Variants in TRIM21 observed in about 807,000 individuals in gnomAD.
TRIM21 encodes the protein E3 ubiquitin-protein ligase TRIM21.
TRIM21 carries 35 observed loss-of-function variants against 36.1 expected under a neutral mutation model. The ratio of observed to expected loss-of-function variants is 0.97; its 90% CI spans 0.74 to 1.28. The LOEUF is 1.28. TRIM21 is among the 50% of genes most tolerant of loss of function. TRIM21 has a pLI of 0.00. For synonymous variants in TRIM21, 256 were observed against 211.5 expected (o/e 1.21, Z -1.83); for missense variants, 635 against 570.7 (o/e 1.11, Z -1.15).
chr11:4,386,861 C>G lies in TRIM21; in HGVS notation c.758+107G>C, dbSNP rs773713686. The G allele has an allele frequency of 4.3e-6, 5 of 1,168,990 alleles. No individual in the cohort carries two copies. The African/African-American group carries it at 7.8e-5, about 18-fold the overall frequency. 72.4% of individuals were successfully genotyped at this position (1,168,990 alleles called of 1,614,324 possible). A position where few individuals can be genotyped will look rare whatever the true frequency, so the allele number is the denominator to read the frequency against. On this transcript the variant is annotated intron_variant, in intron 5 of 6. Transcript: ENST00000254436. Reference sequence around the variant, plus strand: ...GAATGAAGTTTTTGAGAATAGGAAGCCAGATGGGGAAAACTTCAGTGCATG... The same window carrying G: ...GAATGAAGTTTTTGAGAATAGGAAGGCAGATGGGGAAAACTTCAGTGCATG...
At chr11:4,389,933 C>A in intron 2 of TRIM21, 69 bp downstream of exon 2, 2 of 1,573,846 alleles carry the variant, frequency 1.3e-6, no homozygotes, top group African/African-American at 1.3e-5. Context: ...CCCCTCCAAT[C>A]CAGAGGTGGT....
intron 4 of TRIM21, 115 bp downstream of exon 4, chr11:4,388,185 C>A: frequency 1.1e-6 from 1 of 914,228 alleles, no homozygotes; most frequent in Non-Finnish European, 1.6e-6. Flanking sequence ...AATTCTACTT[C>A]ATTTAAGAAC....
At chr11:4,386,413 C>A (rs780018211) in intron 5 of TRIM21, 156 bp from the exon 6 acceptor site, 58 of 707,444 alleles carry the variant, frequency 8.2e-5, no homozygotes, top group Non-Finnish European at 1.4e-4. Flanking sequence ...GAGAGGCAAA[C>A]AATGCAGGAT....
At chr11:4,386,352 C>A (rs1478459295) in intron 5 of TRIM21, 95 bp from the exon 6 acceptor site, 1 of 1,057,498 alleles carries the variant, frequency 9.5e-7, no homozygotes, top group Non-Finnish European at 1.4e-6. Flanking sequence ...TAATTTAATT[C>A]AACTCAAATT....
At position 4,390,099 on chromosome 11, in the gene TRIM21, T is replaced by C; in HGVS notation, c.311A>G (p.Glu104Gly). 6.2e-7 allele frequency: 1 copy of C among 1,614,022 alleles called. No homozygotes were observed. Among genetic ancestry groups the C allele is most frequent in the Non-Finnish European group, 8.5e-7 (1 of 1,179,896 alleles). Residue 104 changes from glutamate (E) to glycine (G), a missense_variant, in exon 2 of 7, where the codon GAG becomes GGG. Glu to Gly is a moderately conservative substitution (Grantham distance 98, BLOSUM62 -2). Transcript: ENST00000254436. ...VHGERLHLFCEKDGKALCWVC... is the reference protein window; with the variant it reads ...VHGERLHLFCGKDGKALCWVC... The stretch of plus-strand genomic sequence containing the variant: ...CCAGCAAAGGGCCTTCCCATCTTTC[T>C]CACAGAACAGGTGAAGTCTCTCTCC...
intron 3 of TRIM21, among the ~76,000 whole-genome samples, chr11:4,389,323 A>G (rs931295748): frequency 5.3e-5 from 8 of 152,104 alleles, no homozygotes; most frequent in African/African-American, 1.7e-4. Context: ...TTCTACTAGG[A>G]TATTTGTCTC....
At chr11:4,391,099 C>G (rs554477993) in intron 1 of TRIM21, among the ~76,000 whole-genome samples, 7 of 152,294 alleles carry the variant, frequency 4.6e-5, no homozygotes, top group Non-Finnish European at 8.8e-5. Context: ...TGAAAAGGTG[C>G]TGCACAGCAA....
chr11:4,389,575 C>A (rs987227011), intron 3 of TRIM21, 79 bp downstream of exon 3: 3 of 1,199,006 alleles, frequency 2.5e-6, no homozygotes, highest in South Asian at 1.2e-5. Context: ...GGCACAGCTA[C>A]GGTTAAGGCT....
intron 1 of TRIM21, among the ~76,000 whole-genome samples, 175 bp downstream of exon 1, chr11:4,393,458 C>G (rs2094965570): frequency 6.6e-6 from 1 of 152,168 alleles, no homozygotes; most frequent in African/African-American, 2.4e-5. Flanking sequence ...TCCTCCCAAG[C>G]AGGGGGCCAG....
chr11:4,385,750 A>C lies in TRIM21; in HGVS notation c.963T>G (p.Asn321Lys). ...TAGGATAACTATCAAATCTCTCTTC[A>C]TTTCCAGGTATGCTCTGCTGGGTGT... ...LGDTQQSIPGNEERFDSYPMV... is the reference protein window; with the variant it reads ...LGDTQQSIPGKEERFDSYPMV... The change falls in exon 7 of 7, where the codon AAT becomes AAG. Residue 321 changes from asparagine to lysine, a missense_variant. Asn to Lys is a moderately conservative substitution (Grantham distance 94, BLOSUM62 0). Transcript: ENST00000254436. 6.2e-7 allele frequency: 1 copy of C among 1,613,402 alleles called. No homozygotes were observed. Among genetic ancestry groups the C allele is most frequent in the Non-Finnish European group, 8.5e-7 (1 of 1,179,732 alleles).
intron 6 of TRIM21, 62 bp from the exon 7 acceptor site, chr11:4,385,915 G>C: frequency 1.4e-6 from 2 of 1,466,158 alleles, no homozygotes; most frequent in South Asian, 1.4e-5. Context: ...CTGTGCCTGT[G>C]GTGGGGGGAT....
chr11:4,393,379 T>A (rs1241266131), intron 1 of TRIM21, among the ~76,000 whole-genome samples: 1 of 151,936 alleles, frequency 6.6e-6, no homozygotes, highest in African/African-American at 2.4e-5. Flanking sequence ...CCCAGCCTCC[T>A]CCCAGGTAGG....
In TRIM21 at chr11:4,390,301, G is replaced by C; in HGVS notation, c.109C>G (p.Gln37Glu). The C allele has an allele frequency of 6.2e-7, 1 of 1,613,922 alleles. No homozygotes were observed. The highest frequency in any genetic ancestry group is 8.5e-7 in the Non-Finnish European group (1 of 1,179,880). The change falls in exon 2 of 7, where the codon CAG becomes GAG. Residue 37 changes from glutamine (Q) to glutamate (E), a missense_variant. Transcript: ENST00000254436. ...TTCCCAACCTGAGAGATGCATTCCT[G>C]GCAGAAGCTGTGGCCACACTCGATG... The part of the protein sequence containing the change: ...VSIECGHSFC[Q>E]ECISQVGKGG...
At chr11:4,389,517 G>C in intron 3 of TRIM21, 137 bp downstream of exon 3, 4 of 731,690 alleles carry the variant, frequency 5.5e-6, no homozygotes, top group Non-Finnish European at 9.8e-6. Context: ...CTAGAGAGCA[G>C]CTGGCTTCTG....
chr11:4,386,191 C>A lies in TRIM21; in HGVS notation c.825G>T (p.Val275=), dbSNP rs778729546. The A allele has an allele frequency of 3.7e-6, 6 of 1,613,594 alleles. No individual in the cohort carries two copies. The East Asian group carries it at 6.7e-5, about 18-fold the overall frequency. The part of the protein sequence containing the change: ...TSPELRSVCH[V]PGLKKMLRTC... ...TCCTCAGCATCTTCTTCAGCCCTGG[C>A]ACATGGCACACACTCCTGAGTTCTG... Residue 275 remains valine, a synonymous_variant, in exon 6 of 7, where the codon GTG becomes GTT. Transcript: ENST00000254436.
chr11:4,393,470 A>G lies in TRIM21; in HGVS notation c.-50+163T>C, dbSNP rs531144007. Among the ~76,000 whole-genome samples, 38 of 152,266 alleles carry G rather than the reference A, an allele frequency of 2.5e-4. No individual in the cohort carries two copies. The South Asian group carries it at 7.3e-3, about 29-fold the overall frequency. ...GCCTCCTCCCAAGCAGGGGGCCAGCACCGGAAGCGCAGCTGGTCTTGGGTT... is the reference window on the plus strand; with the variant it reads ...GCCTCCTCCCAAGCAGGGGGCCAGCGCCGGAAGCGCAGCTGGTCTTGGGTT... On this transcript the variant is annotated intron_variant, in intron 1 of 6. Transcript: ENST00000254436.
chr11:4,390,033 A>G lies in TRIM21; in HGVS notation c.377T>C (p.Val126Ala), dbSNP rs1379163054. 8 of 1,613,900 alleles carry G rather than the reference A, an allele frequency of 5.0e-6. No individual in the cohort carries two copies. Among genetic ancestry groups the G allele is most frequent in the Non-Finnish European group, 6.8e-6 (8 of 1,179,842 alleles). Residue 126 changes from valine to alanine, a missense_variant, in exon 2 of 7, where the codon GTC (valine) becomes GCC (alanine). Coordinates refer to ENST00000254436, the MANE Select transcript of TRIM21 (RefSeq NM_003141.4). ...QSRKHRDHAM[V>A]PLEEAAQEYQ... ...CTCCTGTGCAGCCTCCTCAAGAGGGACCATGGCGTGGTCACGGTGTTTCCG... is the reference window on the plus strand; with the variant it reads ...CTCCTGTGCAGCCTCCTCAAGAGGGGCCATGGCGTGGTCACGGTGTTTCCG...
Position 4,393,655 on chromosome 11 carries a change from G to A in TRIM21, c.-72C>T, listed in dbSNP as rs36233844. 2 of 152,304 alleles carry A rather than the reference G, an allele frequency of 1.3e-5. No homozygotes were observed. The highest frequency in any genetic ancestry group is 4.8e-5 in the African/African-American group (2 of 41,438). 9.4% of individuals were successfully genotyped at this position (152,304 alleles called of 1,614,324 possible). ...CACCTTTACAGGGGACTCAACGCTG[G>A]TAGCCAGCTCCCTATTTCACTTTCA... On this transcript the variant is annotated 5_prime_UTR_variant, in exon 1 of 7. Transcript: ENST00000254436.
At chr11:4,387,198 T>C (rs1281108503) in intron 4 of TRIM21, among the ~76,000 whole-genome samples, 1 of 151,394 alleles carries the variant, frequency 6.6e-6, no homozygotes, top group Non-Finnish European at 1.5e-5. Flanking sequence ...AGCATGGATG[T>C]GACCTATGGC....
Sources: gnomAD v4.1 joint callset for allele counts (sites outside exome capture counted in the v4.1 genomes callset) on GRCh38, gnomAD v4.1.1 for gene constraint, MANE v1.5 for transcripts, NCBI Gene and HGNC (gene_info 2026-07-23, HGNC 2026-07-21) for gene names.